The following MGAT1 variants were observed in gnomAD, a reference collection of about 807,000 sequenced individuals.
MGAT1 encodes the protein N-glycosyl-oligosaccharide-glycoprotein N-acetylglucosaminyltransferase I.
Under a neutral mutation model 31.7 loss-of-function variants are expected in MGAT1, and 14 were observed. That is an observed-to-expected ratio of 0.44 (90% CI 0.29 to 0.69). The LOEUF (loss-of-function observed/expected upper bound fraction) is 0.69. Among genes scored for constraint, MGAT1 ranks in the 30% least tolerant of loss-of-function variants. MGAT1 has a pLI of 0.12. For synonymous variants in MGAT1, 338 were observed against 276.0 expected (o/e 1.22, Z -2.23); for missense variants, 557 against 626.0 (o/e 0.89, Z 1.18).
chr5:180,807,407 C>T (rs574369473), upstream of MGAT1, among the ~76,000 whole-genome samples: 125 of 152,250 alleles, frequency 8.2e-4, no homozygotes, highest in African/African-American at 2.9e-3. Context: ...AAGGAGGGAG[C>T]AGACAGGAAG....
intron 1 of MGAT1, among the ~76,000 whole-genome samples, chr5:180,796,465 G>A (rs1000656654): frequency 2.6e-5 from 4 of 152,182 alleles, no homozygotes; most frequent in Admixed American, 2.0e-4. Context: ...CAGGGCAAAC[G>A]TCGTTTCAGT....
chr5:180,806,947 C>G (rs1771961050), upstream of MGAT1, among the ~76,000 whole-genome samples: 4 of 152,300 alleles, frequency 2.6e-5, 1 homozygote, highest in South Asian at 8.3e-4. Context: ...TTGAGACCCA[C>G]ACCTTATAAA....
chr5:180,812,016 G>C (rs779277452), intron 1 of MGAT1, among the ~76,000 whole-genome samples: 18 of 152,182 alleles, frequency 1.2e-4, no homozygotes, highest in Non-Finnish European at 2.4e-4. Context: ...AGCACTGCTA[G>C]TCTCCCTTGG....
At chr5:180,807,937 G>A (rs1219028520) in intron 2 of MGAT1, among the ~76,000 whole-genome samples, 1 of 152,198 alleles carries the variant, frequency 6.6e-6, no homozygotes. Context: ...TGTTTCCTGT[G>A]TACACGGCCC....
chr5:180,786,015 G>T lies in MGAT1; in HGVS notation c.*5619C>A, dbSNP rs1398013962. ...GGAAGGCTGTCTGCCCACTGCTTTT[G>T]TTCCATAAAGAATGAGGCTTGCCCT... On this transcript the variant is annotated 3_prime_UTR_variant, in exon 2 of 2. Transcript: ENST00000307826. The T allele has an allele frequency of 6.6e-6, 1 of 152,284 alleles. No individual in the cohort carries two copies. The highest frequency in any genetic ancestry group is 1.5e-5 in the Non-Finnish European group (1 of 68,060). The allele number at this position is 152,284 out of a possible 1,614,324, so 9.4% of individuals were successfully genotyped here. A position where few individuals can be genotyped will look rare whatever the true frequency, so the allele number is the denominator to read the frequency against.
In MGAT1 at chr5:180,792,799, G is replaced by A; in HGVS notation, c.173C>T (p.Ala58Val). ...CTCCAGCTCCACCTCGGCGTCTTGG[G>A]CCAGGCGAATCACTTCCCGGGTGAG... is the stretch of plus-strand genomic sequence containing the variant. Reference protein sequence around the residue: ...ASLTREVIRLAQDAEVELERQ... With the variant: ...ASLTREVIRLVQDAEVELERQ... The change falls in exon 2 of 2, where the codon GCC (alanine) becomes GTC (valine). Residue 58 changes from alanine to valine, a missense_variant. Ala to Val is a moderately conservative substitution (Grantham distance 64). Transcript: ENST00000307826. 6.4e-7 allele frequency: 1 copy of A among 1,555,148 alleles called. No individual in the cohort carries two copies. The highest frequency in any genetic ancestry group is 8.7e-7 in the Non-Finnish European group (1 of 1,150,016).
At chr5:180,793,637 G>C (rs149731529) in intron 1 of MGAT1, among the ~76,000 whole-genome samples, 3,109 of 152,206 alleles carry the variant, frequency 0.02, 30 homozygotes, top group Middle Eastern at 0.058. Flanking sequence ...GAAGTGGAAA[G>C]GAAGCAAACT....
rs1033307045 is a variant in MGAT1 at position 180,786,913 on chromosome 5, G to A, written c.*4721C>T. The A allele has an allele frequency of 3.3e-5, 5 of 152,330 alleles. No homozygotes were observed. The highest frequency in any genetic ancestry group is 9.7e-5 in the African/African-American group (4 of 41,444). 9.4% of individuals were successfully genotyped at this position (152,330 alleles called of 1,614,324 possible). A position where few individuals can be genotyped will look rare whatever the true frequency, so the allele number is the denominator to read the frequency against. ...AAGTTAGCCAAGGGAGGCAGTGGGG[G>A]AAAGTAACAGCCTTGGCACTACCCG... On this transcript the variant is annotated 3_prime_UTR_variant, in exon 2 of 2. Transcript: ENST00000307826.
intron 1 of MGAT1, among the ~76,000 whole-genome samples, chr5:180,794,433 TA>T (rs1214431403): frequency 1.5e-5 from 2 of 137,804 alleles, no homozygotes; most frequent in African/African-American, 2.9e-5. Context: ...ATATATGGCA[TA>T]CTACAAAACC....
intron 1 of MGAT1, among the ~76,000 whole-genome samples, chr5:180,793,820 C>T (rs1468208937): frequency 3.3e-5 from 5 of 151,988 alleles, no homozygotes; most frequent in South Asian, 2.1e-4. Flanking sequence ...TTACAAAAGC[C>T]AGAGAAATGA....
rs190411027 is a variant in MGAT1 at position 180,793,139 on chromosome 5, C to T, written c.-126-42G>A. On this transcript the variant is annotated intron_variant, in intron 1 of 1. Coordinates refer to ENST00000307826, the MANE Select transcript of MGAT1 (RefSeq NM_002406.4). ...GAAAGCAAACCGTCACACAAAGGCT[C>T]GTGGCTCCATGCCCCACAGGTAGAG... 1.7e-3 allele frequency: 1,340 copies of T among 811,704 alleles called. 5 individuals are homozygous for T. Among genetic ancestry groups the T allele is most frequent in the Non-Finnish European group, 2.2e-3 (1,182 of 529,636 alleles). 50.3% of individuals were successfully genotyped at this position (811,704 alleles called of 1,614,324 possible).
chr5:180,792,220 TCCA>T lies in MGAT1; in HGVS notation c.749_751del (p.Val250del). ...GTAGAGCAGCTCAGGCCTGCTGGCG[TCCA>T]CCATCTGCTCCTTGCCGTTGTCATT... On this transcript the variant is annotated inframe_deletion, in exon 2 of 2. Coordinates refer to ENST00000307826, the MANE Select transcript of MGAT1 (RefSeq NM_002406.4). The T allele has an allele frequency of 6.2e-7, 1 of 1,613,086 alleles. No individual in the cohort carries two copies. Among genetic ancestry groups the T allele is most frequent in the Non-Finnish European group, 8.5e-7 (1 of 1,179,998 alleles).
chr5:180,792,450 C>A lies in MGAT1; in HGVS notation c.522G>T (p.Pro174=). 1 of 1,612,262 alleles carries A rather than the reference C, an allele frequency of 6.2e-7. No homozygotes were observed. Among genetic ancestry groups the A allele is most frequent in the Non-Finnish European group, 8.5e-7 (1 of 1,179,436 alleles). The stretch of plus-strand genomic sequence containing the variant: ...AGTAGCCCTGGAACTTGCGGTGGTC[C>A]GGCGGCACCGCAATGCTGCTCAGGT... The part of the protein sequence containing the change: ...QPDLSSIAVP[P]DHRKFQGYYK... Residue 174 remains proline (P), a synonymous_variant, in exon 2 of 2, where the codon CCG becomes CCT. Transcript: ENST00000307826.
exon 2 of MGAT1, chr5:180,808,785 C>T (rs1390933773): frequency 6.6e-6 from 1 of 152,352 alleles, no homozygotes; most frequent in African/African-American, 2.4e-5. Flanking sequence ...AAGTCCATGG[C>T]TGAGCTGACC....
chr5:180,784,788 A>G lies in MGAT1; in HGVS notation c.*6846T>C, dbSNP rs1767464789. On this transcript the variant is annotated 3_prime_UTR_variant, in exon 2 of 2. Coordinates refer to ENST00000307826, the MANE Select transcript of MGAT1 (RefSeq NM_002406.4). Reference sequence around the variant, plus strand: ...GTTAATCTGGGCAGGGCGGTTATGTATGAATTTTATTTTCCTTTTATTTTT... The same window carrying G: ...GTTAATCTGGGCAGGGCGGTTATGTGTGAATTTTATTTTCCTTTTATTTTT... 6.6e-6 allele frequency: 1 copy of G among 152,362 alleles called. No homozygotes were observed. The highest frequency in any genetic ancestry group is 1.9e-4 in the East Asian group (1 of 5,188). 9.4% of individuals were successfully genotyped at this position (152,362 alleles called of 1,614,324 possible). A position where few individuals can be genotyped will look rare whatever the true frequency, so the allele number is the denominator to read the frequency against.
In MGAT1 at chr5:180,792,996, G is replaced by A; in HGVS notation, c.-25C>T. 6.2e-7 allele frequency: 1 copy of A among 1,611,576 alleles called. No homozygotes were observed. Reference sequence around the variant, plus strand: ...TCCTGGCCCCCACCGGGGAGGGCAGGCCAGGGGACGGTTCAAGGCTGCCCT... The same window carrying A: ...TCCTGGCCCCCACCGGGGAGGGCAGACCAGGGGACGGTTCAAGGCTGCCCT... On this transcript the variant is annotated 5_prime_UTR_variant, in exon 2 of 2. Transcript: ENST00000307826.
intron 1 of MGAT1, 76 bp from the exon 2 acceptor site, chr5:180,793,173 G>T: frequency 1.6e-6 from 1 of 643,220 alleles, no homozygotes; most frequent in Non-Finnish European, 2.6e-6. Flanking sequence ...AGGAAATGGG[G>T]GCAGGAAAAG....
chr5:180,800,291 A>C (rs1333849609), intron 1 of MGAT1, among the ~76,000 whole-genome samples: 1 of 152,198 alleles, frequency 6.6e-6, no homozygotes, highest in Admixed American at 6.5e-5. Flanking sequence ...CTGCATAATA[A>C]ATTACCTCGA....
rs1325159456 is a variant in MGAT1, at chr5:180,791,670, T to TGG, written c.1300_1301dup (p.Leu435HisfsTer2). The TGG allele has an allele frequency of 6.2e-7, 1 of 1,613,360 alleles. No homozygotes were observed. The highest frequency in any genetic ancestry group is 8.5e-7 in the Non-Finnish European group (1 of 1,179,772). ...TAGGATCATAGCCCTCCCACGTCAG[T>TGG]GGGGGCGCCAGGTGGACACGGCGGC... On this transcript the variant is annotated frameshift_variant, in exon 2 of 2. Transcript: ENST00000307826. LOFTEE classifies it high-confidence loss of function.
Sources: allele counts gnomAD v4.1 joint callset (sites outside exome capture counted in the v4.1 genomes callset), GRCh38; gene constraint gnomAD v4.1.1; transcripts MANE v1.5; gene names NCBI Gene and HGNC (gene_info 2026-07-23, HGNC 2026-07-21).